LRP1B: variants seen among roughly 807,000 people sequenced by gnomAD.
LRP1B encodes the protein LDL receptor related protein 1B, also known as low-density lipoprotein receptor-related protein 1B.
A neutral mutation model predicts 556.6 loss-of-function variants in LRP1B; 217 were observed. That is an observed-to-expected ratio of 0.39 (90% CI 0.35 to 0.44). The LOEUF is 0.44. Ranked by LOEUF, LRP1B falls within the 20% of genes least tolerant of loss-of-function variation. The pLI is 1.00. For synonymous variants in LRP1B, 2,047 were observed against 1,865.8 expected (o/e 1.10, Z -2.50); for missense variants, 5,053 against 5,620.8 (o/e 0.90, Z 3.23).
intron 75 of LRP1B, among the ~76,000 whole-genome samples, chr2:140,353,645 T>A (rs1351529620): frequency 1.3e-5 from 2 of 152,120 alleles, no homozygotes; most frequent in Non-Finnish European, 2.9e-5. Flanking sequence ...TCCAACCATA[T>A]ATGGGAGTGA....
rs182416712 is a variant in LRP1B, at chr2:141,107,751, A to C, written c.1014-45478T>G. 8.5e-5 allele frequency among the ~76,000 whole-genome samples: 13 copies of C among 152,308 alleles called. No individual in the cohort carries two copies. The East Asian group carries it at 2.1e-3, about 25-fold the overall frequency. ...TATACATTTTATGTGATTTTATTAAAAGTATTTCTTGAAAGATTGGTGGGA... is the reference window on the plus strand; with the variant it reads ...TATACATTTTATGTGATTTTATTAACAGTATTTCTTGAAAGATTGGTGGGA... On this transcript the variant is annotated intron_variant, in intron 7 of 90. Transcript: ENST00000389484.
chr2:141,499,142 C>T (rs1683622059), intron 2 of LRP1B, among the ~76,000 whole-genome samples: 1 of 152,066 alleles, frequency 6.6e-6, no homozygotes, highest in Non-Finnish European at 1.5e-5. Flanking sequence ...AGGCTGTGTT[C>T]TAAGCTTTTT....
intron 15 of LRP1B, among the ~76,000 whole-genome samples, chr2:141,004,584 A>C (rs942293619): frequency 4.6e-5 from 7 of 152,024 alleles, no homozygotes; most frequent in African/African-American, 1.7e-4. Context: ...TATAATTTAT[A>C]ATTACACAAG....
intron 41 of LRP1B, among the ~76,000 whole-genome samples, chr2:140,648,484 T>C (rs936670332): frequency 1.3e-5 from 2 of 151,806 alleles, no homozygotes; most frequent in African/African-American, 2.4e-5. Context: ...GAAATAAACA[T>C]GGTACTGAGT....
chr2:140,404,789 A>G (rs537790855), intron 66 of LRP1B, among the ~76,000 whole-genome samples: 2 of 152,332 alleles, frequency 1.3e-5, no homozygotes, highest in East Asian at 1.9e-4. Flanking sequence ...TTATTCTTAT[A>G]TCAGATAAAA....
chr2:140,844,396 T>C lies in LRP1B; in HGVS notation c.4940-3304A>G, dbSNP rs1692212913. Among the ~76,000 whole-genome samples, 6 of 152,222 alleles carry C rather than the reference T, an allele frequency of 3.9e-5. No individual in the cohort carries two copies. In the South Asian group the frequency reaches 1.2e-3, roughly 32 times the overall value. ...TTCTAATTTTTTATGCTTAACATTT[T>C]TCTCCCACCAGATTGAACTTTCTAA... On this transcript the variant is annotated intron_variant, in intron 29 of 90. Transcript: ENST00000389484.
chr2:140,259,741 G>A (rs1475839527), intron 86 of LRP1B, among the ~76,000 whole-genome samples: 1 of 151,914 alleles, frequency 6.6e-6, no homozygotes, highest in East Asian at 1.9e-4. Context: ...ACAACCTGCT[G>A]GAGAGAAACA....
chr2:142,121,759 T>G (rs1275610741), intron 1 of LRP1B, among the ~76,000 whole-genome samples: 1 of 152,168 alleles, frequency 6.6e-6, no homozygotes, highest in Non-Finnish European at 1.5e-5. Context: ...AGTTACATTG[T>G]CTACCTTGTT....
rs116243672 is a variant in LRP1B at position 140,683,947 on chromosome 2, G to A, written c.6799+16303C>T. On this transcript the variant is annotated intron_variant, in intron 41 of 90. Coordinates refer to ENST00000389484, the MANE Select transcript of LRP1B (RefSeq NM_018557.3). The stretch of plus-strand genomic sequence containing the variant: ...CCCTGGATGTTGTGGGCTACGTGAC[G>A]CGCCTTTACTTTCAATGGCAAAGCC... 5.9e-3 allele frequency: 2,265 copies of A among 384,018 alleles called. 48 individuals carry two copies. Among genetic ancestry groups the A allele is most frequent in the African/African-American group, 0.044 (2,093 of 47,510 alleles). The allele number at this position is 384,018 out of a possible 1,614,324, so 23.8% of individuals were successfully genotyped here. A position where few individuals can be genotyped will look rare whatever the true frequency, so the allele number is the denominator to read the frequency against.
intron 2 of LRP1B, among the ~76,000 whole-genome samples, chr2:141,662,435 C>A (rs1422213046): frequency 6.6e-6 from 1 of 152,048 alleles, no homozygotes; most frequent in East Asian, 1.9e-4. Context: ...CCAAGAGACC[C>A]AGCTCATGGG....
intron 6 of LRP1B, among the ~76,000 whole-genome samples, chr2:141,210,250 G>GAAA (rs11370397): frequency 1.3e-5 from 2 of 148,928 alleles, no homozygotes; most frequent in African/African-American, 5.0e-5. Flanking sequence ...GGAAATATAA[G>GAAA]AAAAAAAAAT....
At position 141,590,949 on chromosome 2, in the gene LRP1B, TAA is replaced by T. The variant is rs550338943; in HGVS notation, c.206-110418_206-110417del. 1.5e-4 allele frequency among the ~76,000 whole-genome samples: 23 copies of T among 152,308 alleles called. No homozygotes were observed. The East Asian group carries it at 4.4e-3, about 29-fold the overall frequency. ...TGTCCTGACACAAACATATCTTTTT[TAA>T]AAGTCTTTGACAAGTTTTCCTCTTT... On this transcript the variant is annotated intron_variant, in intron 2 of 90. Transcript: ENST00000389484.
chr2:141,825,473 C>T (rs1187904786), intron 1 of LRP1B, among the ~76,000 whole-genome samples: 2 of 152,098 alleles, frequency 1.3e-5, no homozygotes, highest in Admixed American at 6.6e-5. Flanking sequence ...GGATGAAAGT[C>T]CTCTAGAAAA....
chr2:140,789,991 G>A (rs924971020), intron 32 of LRP1B, among the ~76,000 whole-genome samples: 11 of 151,936 alleles, frequency 7.2e-5, no homozygotes, highest in African/African-American at 2.7e-4. Flanking sequence ...TTTTCACACG[G>A]CTGATCTTTC....
intron 77 of LRP1B, among the ~76,000 whole-genome samples, chr2:140,344,999 T>C (rs560071544): frequency 2.3e-4 from 35 of 151,966 alleles, no homozygotes; most frequent in African/African-American, 7.5e-4. Flanking sequence ...TAATATGACA[T>C]GATAACTATC....
chr2:141,494,628 TAAAC>T (rs1387516797), intron 2 of LRP1B, among the ~76,000 whole-genome samples: 2 of 151,666 alleles, frequency 1.3e-5, no homozygotes, highest in African/African-American at 2.4e-5. Context: ...TTTGAACCAT[TAAAC>T]AACTGCTAAA....
intron 73 of LRP1B, among the ~76,000 whole-genome samples, chr2:140,358,462 A>C (rs1274529968): frequency 1.3e-5 from 2 of 151,712 alleles, no homozygotes; most frequent in African/African-American, 4.8e-5. Context: ...TTGCATTAAA[A>C]ACTTTTTGAA....
At chr2:140,397,882 T>C (rs993850098) in intron 66 of LRP1B, among the ~76,000 whole-genome samples, 4 of 152,204 alleles carry the variant, frequency 2.6e-5, no homozygotes, top group Admixed American at 6.5e-5. Flanking sequence ...ATAATATTTA[T>C]ATATTTATCT....
chr2:141,944,061 TGCGCAG>T (rs1669423284), intron 1 of LRP1B, among the ~76,000 whole-genome samples: 2 of 152,092 alleles, frequency 1.3e-5, no homozygotes, highest in Admixed American at 6.6e-5. Flanking sequence ...GTTCTCCCAG[TGCGCAG>T]ATTTGTTGGA....
Sources: allele counts gnomAD v4.1 joint callset (sites outside exome capture counted in the v4.1 genomes callset), GRCh38; gene constraint gnomAD v4.1.1; transcripts MANE v1.5; gene names NCBI Gene and HGNC (gene_info 2026-07-23, HGNC 2026-07-21).